Variants in MS4A3 observed in about 807,000 individuals in gnomAD.
MS4A3 encodes the protein membrane spanning 4-domains A3.
MS4A3 carries 18 observed loss-of-function variants against 24.7 expected under a neutral mutation model. That is an observed-to-expected ratio of 0.73 (90% CI 0.50 to 1.08). The LOEUF is 1.08. Among genes scored for constraint, MS4A3 ranks in the 50% least tolerant of loss-of-function variants. The pLI is 0.00. For synonymous variants in MS4A3, 84 were observed against 95.3 expected (o/e 0.88, Z 0.69); for missense variants, 282 against 251.7 (o/e 1.12, Z -0.82).
At chr11:60,069,768 T>C (rs1487400086) in intron 6 of MS4A3, 93 bp downstream of exon 6, 2 of 923,900 alleles carry the variant, frequency 2.2e-6, no homozygotes, top group East Asian at 2.4e-5. Flanking sequence ...TAAACCTTTA[T>C]GTGGTAATGA....
chr11:60,065,829 G>A lies in MS4A3; in HGVS notation c.352-1122G>A, dbSNP rs1307838049. On this transcript the variant is annotated intron_variant, in intron 4 of 6. Transcript: ENST00000278865. ...CTCTCCTTGTCTCTGACCTTTTAAT[G>A]TTCTGGTGCCCCAGAGCTGAATTCT... Among the ~76,000 whole-genome samples, 2 of 152,040 alleles carry A rather than the reference G, an allele frequency of 1.3e-5. 1 individual carries two copies. The highest frequency in any genetic ancestry group is 1.3e-4 in the Admixed American group (2 of 15,254).
At chr11:60,063,400 C>G (rs1460590024) in intron 3 of MS4A3, among the ~76,000 whole-genome samples, 1 of 151,970 alleles carries the variant, frequency 6.6e-6, no homozygotes, top group African/African-American at 2.4e-5. Flanking sequence ...TTATTACTTC[C>G]CTGATGGTTC....
chr11:60,064,181 C>G, intron 3 of MS4A3, 81 bp from the exon 4 acceptor site: 1 of 997,634 alleles, frequency 1.0e-6, no homozygotes, highest in Non-Finnish European at 1.5e-6. Context: ...TGCTGGATAT[C>G]TGCTAATTGA....
intron 4 of MS4A3, among the ~76,000 whole-genome samples, chr11:60,064,885 A>C (rs748421255): frequency 1.3e-5 from 2 of 152,132 alleles, no homozygotes; most frequent in Admixed American, 6.5e-5. Context: ...TCAGACCTCC[A>C]CTACTAATGG....
chr11:60,064,355 G>A (rs1855325884), intron 4 of MS4A3, 37 bp downstream of exon 4: 4 of 1,462,758 alleles, frequency 2.7e-6, no homozygotes, highest in Non-Finnish European at 3.8e-6. Flanking sequence ...GATCAGAGGA[G>A]TAGAAATATA....
rs764469682 is a variant in MS4A3 at position 60,070,989 on chromosome 11, A to C, written c.*756A>C. 1 of 152,264 alleles carries C rather than the reference A, an allele frequency of 6.6e-6. No homozygotes were observed. Among genetic ancestry groups the C allele is most frequent in the Non-Finnish European group, 1.5e-5 (1 of 68,048 alleles). 9.4% of individuals were successfully genotyped at this position (152,264 alleles called of 1,614,324 possible). A position where few individuals can be genotyped will look rare whatever the true frequency, so the allele number is the denominator to read the frequency against. On this transcript the variant is annotated 3_prime_UTR_variant, in exon 7 of 7. Transcript: ENST00000278865. ...AAACTGTCACTTATTACCTGTATGA[A>C]CATGGGCAAATTATCTAATCTCTCT...
At chr11:60,067,135 T>G (rs777583919) in intron 5 of MS4A3, 23 bp downstream of exon 5, 1 of 1,561,356 alleles carries the variant, frequency 6.4e-7, no homozygotes, top group African/African-American at 1.4e-5. Flanking sequence ...AAAATATGTA[T>G]AAGTATAAAA....
chr11:60,068,262 C>T lies in MS4A3; in HGVS notation c.513+1150C>T, dbSNP rs1465846831. 2.3e-3 allele frequency among the ~76,000 whole-genome samples: 224 copies of T among 96,700 alleles called. 1 individual carries two copies. Among genetic ancestry groups the T allele is most frequent in the Non-Finnish European group, 3.8e-3 (188 of 50,074 alleles). 63.4% of individuals were successfully genotyped at this position (96,700 alleles called of 152,430 possible). A position where few individuals can be genotyped will look rare whatever the true frequency, so the allele number is the denominator to read the frequency against. On this transcript the variant is annotated intron_variant, in intron 5 of 6. Transcript: ENST00000278865. ...CCTTTTTTTTTTTTTTTTTTTGAGA[C>T]GGAGTCTTGCTCTGTCACCCAGGCT...
chr11:60,069,554 T>C lies in MS4A3; in HGVS notation c.514-20T>C, dbSNP rs1855440115. On this transcript the variant is annotated intron_variant, in intron 5 of 6. Coordinates refer to ENST00000278865, the MANE Select transcript of MS4A3 (RefSeq NM_006138.5). ...CTGGATGTTGCCACTGGGTTTGATA[T>C]AAGGCATCATATCCCCTAGGGCATG... 1 of 1,559,154 alleles carries C rather than the reference T, an allele frequency of 6.4e-7. No homozygotes were observed. The highest frequency in any genetic ancestry group is 8.8e-7 in the Non-Finnish European group (1 of 1,132,650).
At chr11:60,064,398 TGAATACA>T in intron 4 of MS4A3, 80 bp downstream of exon 4, 1 of 1,005,922 alleles carries the variant, frequency 9.9e-7, no homozygotes, top group Non-Finnish European at 1.5e-6. Flanking sequence ...TAAGTGTCCA[TGAATACA>T]ACTGAGACAC....
intron 2 of MS4A3, among the ~76,000 whole-genome samples, chr11:60,062,216 T>G (rs1473893134): frequency 6.6e-6 from 1 of 152,144 alleles, no homozygotes; most frequent in East Asian, 1.9e-4. Flanking sequence ...TCCTGCCACT[T>G]TCTGAGAGGA....
In MS4A3 at chr11:60,070,583, G is replaced by A. The variant is rs76857004; in HGVS notation, c.*350G>A. On this transcript the variant is annotated 3_prime_UTR_variant, in exon 7 of 7. Coordinates refer to ENST00000278865, the MANE Select transcript of MS4A3 (RefSeq NM_006138.5). ...TTTATGAGGTTTAAGGAAGGAAGGC[G>A]GTATAATCCCTATTCAATATATTTT... 2.0e-5 allele frequency: 4 copies of A among 199,806 alleles called. No individual in the cohort carries two copies. The highest frequency in any genetic ancestry group is 2.6e-4 in the East Asian group (2 of 7,734). The allele number at this position is 199,806 out of a possible 1,614,324, so 12.4% of individuals were successfully genotyped here.
intron 4 of MS4A3, among the ~76,000 whole-genome samples, chr11:60,066,049 T>C (rs1385090137): frequency 6.6e-6 from 1 of 152,210 alleles, no homozygotes; most frequent in African/African-American, 2.4e-5. Flanking sequence ...TCTCCTCATG[T>C]CAGCTGATGG....
Position 60,062,506 on chromosome 11 carries a change from G to C in MS4A3, c.195G>C (p.Leu65Phe). 1 of 1,614,016 alleles carries C rather than the reference G, an allele frequency of 6.2e-7. No homozygotes were observed. Among genetic ancestry groups the C allele is most frequent in the South Asian group, 1.1e-5 (1 of 91,066 alleles). The change falls in exon 3 of 7, where the codon TTG (leucine) becomes TTC (phenylalanine). Residue 65 changes from leucine to phenylalanine, a missense_variant. Leu to Phe is a conservative substitution (Grantham distance 22, BLOSUM62 0). Transcript: ENST00000278865. The stretch of plus-strand genomic sequence containing the variant: ...TGAATGCAGCAATGATTCTGGCTTT[G>C]GGTGTCTTTCTGGGTTCCTTGCAAT... Reference protein sequence around the residue: ...QILNAAMILALGVFLGSLQYP... With the variant: ...QILNAAMILAFGVFLGSLQYP...
intron 3 of MS4A3, 138 bp downstream of exon 3, chr11:60,062,743 C>A: frequency 1.5e-6 from 1 of 666,438 alleles, no homozygotes. Flanking sequence ...TTGATATAAA[C>A]AATTAGAGAC....
intron 1 of MS4A3, 42 bp downstream of exon 1, chr11:60,056,782 T>C (rs1441836356): frequency 1.3e-5 from 2 of 152,152 alleles, no homozygotes; most frequent in Non-Finnish European, 2.9e-5. Flanking sequence ...TTCTTTTATA[T>C]CTTTCGTTAA....
At chr11:60,057,976 A>G (rs928476171) in intron 1 of MS4A3, among the ~76,000 whole-genome samples, 1 of 152,152 alleles carries the variant, frequency 6.6e-6, no homozygotes, top group Non-Finnish European at 1.5e-5. Context: ...CTGATTGAAC[A>G]TGTGTGTTAA....
At chr11:60,065,773 C>G (rs1349554858) in intron 4 of MS4A3, among the ~76,000 whole-genome samples, 2 of 152,194 alleles carry the variant, frequency 1.3e-5, no homozygotes, top group Non-Finnish European at 2.9e-5. Context: ...CCATCTTTTG[C>G]TTTCTCCATC....
chr11:60,061,745 T>C (rs1166268807), intron 2 of MS4A3, among the ~76,000 whole-genome samples: 1 of 152,196 alleles, frequency 6.6e-6, no homozygotes, highest in Admixed American at 6.5e-5. Flanking sequence ...TTTACCACCA[T>C]GAAAGGGTGG....
Sources: allele counts gnomAD v4.1 joint callset (sites outside exome capture counted in the v4.1 genomes callset), GRCh38; gene constraint gnomAD v4.1.1; transcripts MANE v1.5; gene names NCBI Gene and HGNC (gene_info 2026-07-23, HGNC 2026-07-21).